SPTBN1: variants seen among roughly 807,000 people sequenced by gnomAD.
SPTBN1 encodes spectrin beta chain, non-erythrocytic 1.
In SPTBN1, 32 loss-of-function variants were observed where a neutral mutation model predicts 266.4. That is an observed-to-expected ratio of 0.12 (90% confidence interval 0.09 to 0.16). SPTBN1 has a LOEUF of 0.16. Ranked by LOEUF, SPTBN1 falls within the 10% of genes least tolerant of loss-of-function variation. SPTBN1 has a pLI of 1.00. For synonymous variants in SPTBN1, 1,336 were observed against 1,162.2 expected, an observed-to-expected ratio of 1.15 and a Z score of -3.04; for missense variants, 2,296 against 3,067.1, an observed-to-expected ratio of 0.75 and a Z score of 5.94.
intron 1 of SPTBN1, among the ~76,000 whole-genome samples, chr2:54,464,408 A>C (rs13391936): frequency 1.3e-4 from 20 of 152,194 alleles, no homozygotes; most frequent in Non-Finnish European, 1.5e-5. Flanking sequence ...GTTAGTGGAA[A>C]TATCTGGATG....
At chr2:54,542,311 G>A (rs966339984) in intron 2 of SPTBN1, among the ~76,000 whole-genome samples, 6 of 152,234 alleles carry the variant, frequency 3.9e-5, no homozygotes. Flanking sequence ...TGGCTATGTC[G>A]AGATGCCATG....
In SPTBN1 at chr2:54,669,487, A is replaced by T. The variant is rs1044876221; in HGVS notation, c.*918A>T. The stretch of plus-strand genomic sequence containing the variant: ...ATAGTGTGCATTTCTCTGTCACTGT[A>T]ACTATTGTAATGACAAATTTTCATC... On this transcript the variant is annotated 3_prime_UTR_variant, in exon 36 of 36. Transcript: ENST00000356805. 2 of 152,638 alleles carry T rather than the reference A, an allele frequency of 1.3e-5. No individual in the cohort carries two copies. Among genetic ancestry groups the T allele is most frequent in the African/African-American group, 4.8e-5 (2 of 41,444 alleles). 9.5% of individuals were successfully genotyped at this position (152,638 alleles called of 1,614,324 possible).
intron 3 of SPTBN1, among the ~76,000 whole-genome samples, chr2:54,604,201 G>A (rs1272499579): frequency 2.0e-5 from 3 of 152,062 alleles, no homozygotes; most frequent in Non-Finnish European, 4.4e-5. Context: ...GGTTTCTTTG[G>A]ACACGTATAG....
At chr2:54,561,467 T>TTTA (rs1558841605) in intron 2 of SPTBN1, among the ~76,000 whole-genome samples, 1 of 152,130 alleles carries the variant, frequency 6.6e-6, no homozygotes, top group Non-Finnish European at 1.5e-5. Flanking sequence ...TATGAACTTA[T>TTTA]TTATGTATTG....
chr2:54,559,484 G>C (rs1160129034), intron 2 of SPTBN1, among the ~76,000 whole-genome samples: 3 of 152,158 alleles, frequency 2.0e-5, no homozygotes, highest in Non-Finnish European at 4.4e-5. Context: ...CAACCCTATG[G>C]GTTGGATTAG....
chr2:54,602,001 G>T (rs143059877), intron 3 of SPTBN1, among the ~76,000 whole-genome samples: 1 of 152,252 alleles, frequency 6.6e-6, no homozygotes, highest in East Asian at 1.9e-4. Flanking sequence ...TCTGGTCCTG[G>T]CCTGGTTATG....
At chr2:54,552,465 CT>C (rs58702463) in intron 2 of SPTBN1, among the ~76,000 whole-genome samples, 86,871 of 147,886 alleles carry the variant, frequency 0.59, 25,831 homozygotes, top group African/African-American at 0.71. Context: ...CTGCTTTTTT[CT>C]TTTTTTTTTT....
intron 2 of SPTBN1, among the ~76,000 whole-genome samples, chr2:54,570,030 G>A (rs1673948607): frequency 1.4e-5 from 2 of 147,826 alleles, no homozygotes; most frequent in African/African-American, 4.9e-5. Flanking sequence ...GACTTTTGAT[G>A]TAGTTTGAAG....
At chr2:54,602,625 G>C (rs79572824) in intron 3 of SPTBN1, among the ~76,000 whole-genome samples, 1 of 152,100 alleles carries the variant, frequency 6.6e-6, no homozygotes, top group South Asian at 2.1e-4. Context: ...CACCAAGTCA[G>C]TTATCACTGG....
At chr2:54,472,209 A>T (rs993575837) in intron 1 of SPTBN1, among the ~76,000 whole-genome samples, 1 of 151,720 alleles carries the variant, frequency 6.6e-6, no homozygotes, top group Non-Finnish European at 1.5e-5. Context: ...TTGTATTTTT[A>T]GTAGAGACAG....
intron 3 of SPTBN1, among the ~76,000 whole-genome samples, chr2:54,601,572 T>A (rs1676500961): frequency 6.6e-6 from 1 of 152,206 alleles, no homozygotes; most frequent in African/African-American, 2.4e-5. Flanking sequence ...ATGTCCCAGC[T>A]AAGTGTGTCA....
chr2:54,655,130 T>C lies in SPTBN1; in HGVS notation c.5883T>C (p.Asp1961=), dbSNP rs766673266. 4 of 1,614,224 alleles carry C rather than the reference T, an allele frequency of 2.5e-6. No homozygotes were observed. In the Admixed American group the frequency reaches 5.0e-5, roughly 20 times the overall value. ...ATCAAGGCATCAAAGCTGAAATTGA[T>C]GCACGTAATGACAGTTTCACAACCT... ...NNHQGIKAEI[D]ARNDSFTTCI... is the part of the protein sequence containing the mutation. Residue 1961 remains aspartate, a synonymous_variant, in exon 28 of 36, where the codon GAT becomes GAC. Coordinates refer to ENST00000356805, the MANE Select transcript of SPTBN1 (RefSeq NM_003128.3).
At chr2:54,611,963 C>T (rs377168176) in intron 3 of SPTBN1, among the ~76,000 whole-genome samples, 198 bp from the exon 4 acceptor site, 2 of 152,232 alleles carry the variant, frequency 1.3e-5, no homozygotes, top group African/African-American at 4.8e-5. Context: ...AATCAGTTAT[C>T]ATCCCCTTAA....
At chr2:54,526,638 T>C in intron 2 of SPTBN1, 72 bp downstream of exon 2, 1 of 1,521,440 alleles carries the variant, frequency 6.6e-7, no homozygotes, top group African/African-American at 1.4e-5. Flanking sequence ...TCATCCACCC[T>C]GTTCCCATGA....
intron 5 of SPTBN1, 80 bp from the exon 6 acceptor site, chr2:54,617,528 T>C (rs760780120): frequency 1.5e-6 from 2 of 1,351,410 alleles, no homozygotes; most frequent in South Asian, 1.2e-5. Context: ...ACAGACTTTT[T>C]ATTAACAAAG....
chr2:54,506,940 C>T (rs1573296044), intron 1 of SPTBN1, among the ~76,000 whole-genome samples: 1 of 142,728 alleles, frequency 7.0e-6, no homozygotes, highest in Admixed American at 7.2e-5. Flanking sequence ...CACCTGGGTG[C>T]AGGCAGGCTG....
Position 54,646,542 on chromosome 2 carries a change from T to C in SPTBN1, c.4866+67T>C. The C allele has an allele frequency of 3.5e-6, 5 of 1,425,508 alleles. No individual in the cohort carries two copies. Among genetic ancestry groups the C allele is most frequent in the East Asian group, 2.5e-5 (1 of 39,524 alleles). The allele number at this position is 1,425,508 out of a possible 1,614,324, so 88.3% of individuals were successfully genotyped here. ...AGATTCAAACCCTGGGCACACTTTCTGCTGGCGGCTCTGTCTGTATAAAAA... is the reference window on the plus strand; with the variant it reads ...AGATTCAAACCCTGGGCACACTTTCCGCTGGCGGCTCTGTCTGTATAAAAA... On this transcript the variant is annotated intron_variant, in intron 23 of 35. Transcript: ENST00000356805. This position sits in a 1 kb window ranked among gnomAD's most constrained non-coding sequence, Gnocchi z 4.4.
rs140280281 is a variant in SPTBN1, at chr2:54,533,920, A to G, written c.148+7354A>G. On this transcript the variant is annotated intron_variant, in intron 2 of 35. Transcript: ENST00000356805. This position sits in a 1 kb window ranked among gnomAD's most constrained non-coding sequence, Gnocchi z 4.2. ...CTCTCTCACACACACACACACACAC[A>G]CACACACGCACGCACGCACACAAAC... is the stretch of plus-strand genomic sequence containing the variant. Among the ~76,000 whole-genome samples the G allele has an allele frequency of 0.041, 5,547 of 134,544 alleles. 150 individuals are homozygous for G. The highest frequency in any genetic ancestry group is 0.096 in the Admixed American group (1,344 of 14,072). The allele number at this position is 134,544 out of a possible 152,430, so 88.3% of individuals were successfully genotyped here. A position where few individuals can be genotyped will look rare whatever the true frequency, so the allele number is the denominator to read the frequency against.
In SPTBN1 at chr2:54,629,820, T is replaced by G. The variant is rs1245827296; in HGVS notation, c.2669+17T>G. ...CCAGCACAGGTGAGCGGGGCGCTGG[T>G]CAGCCACTGGCCTGTTCCTTGTGAC... On this transcript the variant is annotated intron_variant, in intron 14 of 35. Transcript: ENST00000356805. The G allele has an allele frequency of 6.2e-7, 1 of 1,610,486 alleles. No homozygotes were observed. Among genetic ancestry groups the G allele is most frequent in the Admixed American group, 1.7e-5 (1 of 59,964 alleles).
Sources: allele counts gnomAD v4.1 joint callset (sites outside exome capture counted in the v4.1 genomes callset), GRCh38; gene constraint gnomAD v4.1.1; non-coding constraint Gnocchi (gnomAD v3.1); transcripts MANE v1.5; gene names NCBI Gene and HGNC (gene_info 2026-07-23, HGNC 2026-07-21).